The following COL5A1 variants were observed in gnomAD, a reference collection of about 807,000 sequenced individuals.
COL5A1 encodes collagen type V alpha 1 chain.
In COL5A1, 16 loss-of-function variants were observed where a neutral mutation model predicts 263.7. That is an observed-to-expected ratio of 0.06 (90% confidence interval 0.04 to 0.09). The LOEUF (loss-of-function observed/expected upper bound fraction) is 0.09. Ranked by LOEUF, COL5A1 falls within the 10% of genes least tolerant of loss-of-function variation. The probability of loss-of-function intolerance (pLI) is 1.00; values close to 1 mark genes in which losing one functional copy is unlikely to be tolerated. For synonymous variants in COL5A1, 1,012 were observed against 1,004.5 expected, an observed-to-expected ratio of 1.01 and a Z score of -0.14; for missense variants, 2,036 against 2,540.5, an observed-to-expected ratio of 0.80 and a Z score of 4.27.
In COL5A1 at chr9:134,742,604, A is replaced by G. The variant is rs191422830; in HGVS notation, c.1494+3796A>G. ...TTGAGGTTCAGAGGAAACCCAAGAGAGCTGGGAGTCCCCAAGTGAGCTGCA... is the reference window on the plus strand; with the variant it reads ...TTGAGGTTCAGAGGAAACCCAAGAGGGCTGGGAGTCCCCAAGTGAGCTGCA... On this transcript the variant is annotated intron_variant, in intron 11 of 65. Coordinates refer to ENST00000371817, the MANE Select transcript of COL5A1 (RefSeq NM_000093.5). The surrounding 1 kb of genome is among the most constrained non-coding windows in gnomAD (Gnocchi z 4.6). 5.2e-4 allele frequency among the ~76,000 whole-genome samples: 79 copies of G among 152,294 alleles called. No individual in the cohort carries two copies. Among genetic ancestry groups the G allele is most frequent in the Middle Eastern group, 3.4e-3 (1 of 294 alleles).
Position 134,700,750 on chromosome 9 carries a change from A to T in COL5A1, c.492-421A>T, listed in dbSNP as rs1309645797. Among the ~76,000 whole-genome samples, 3 of 152,192 alleles carry T rather than the reference A, an allele frequency of 2.0e-5. No individual in the cohort carries two copies. The highest frequency in any genetic ancestry group is 1.3e-4 in the Admixed American group (2 of 15,278). On this transcript the variant is annotated intron_variant, in intron 3 of 65. Coordinates refer to ENST00000371817, the MANE Select transcript of COL5A1 (RefSeq NM_000093.5). This position sits in a 1 kb window ranked among gnomAD's most constrained non-coding sequence, Gnocchi z 4.0. ...AGTTTGCCATCGGGGTTCAGAGGGC[A>T]CGTGACAAGTGCTCGCATGCACACA...
chr9:134,684,733 C>G (rs1360068922), intron 1 of COL5A1, among the ~76,000 whole-genome samples: 1 of 152,192 alleles, frequency 6.6e-6, no homozygotes, highest in African/African-American at 2.4e-5. Flanking sequence ...CTGTTGGGGA[C>G]AGAGAAAGTT....
In COL5A1 at chr9:134,765,059, G is replaced by A. The variant is rs1836606229; in HGVS notation, c.2035-622G>A. ...GTTCTCCCGGAATCTCACTCCACCT[G>A]CGGTAAAGGGGAGGTTCTGCACGAG... On this transcript the variant is annotated intron_variant, in intron 20 of 65. Transcript: ENST00000371817. This position sits in a 1 kb window ranked among gnomAD's most constrained non-coding sequence, Gnocchi z 5.1. Among the ~76,000 whole-genome samples, 1 of 152,058 alleles carries A rather than the reference G, an allele frequency of 6.6e-6. No individual in the cohort carries two copies. Among genetic ancestry groups the A allele is most frequent in the South Asian group, 2.1e-4 (1 of 4,836 alleles).
chr9:134,705,136 G>A (rs4842146), intron 4 of COL5A1, among the ~76,000 whole-genome samples: 66,476 of 152,084 alleles, frequency 0.44, 15,592 homozygotes, highest in Admixed American at 0.61. Flanking sequence ...AAGAGAGTTC[G>A]TTTAAACAGG....
At chr9:134,688,375 G>A (rs147114136) in intron 1 of COL5A1, among the ~76,000 whole-genome samples, 114 of 152,304 alleles carry the variant, frequency 7.5e-4, no homozygotes, top group African/African-American at 2.6e-3. Flanking sequence ...GATGACCCAG[G>A]GCTCGGCACT....
intron 1 of COL5A1, among the ~76,000 whole-genome samples, chr9:134,658,690 G>T (rs927910123): frequency 1.3e-5 from 2 of 151,806 alleles, no homozygotes; most frequent in Non-Finnish European, 2.9e-5. Context: ...TACCCTGCCC[G>T]GCTTCTGTCC....
Position 134,652,048 on chromosome 9 carries a change from C to T in COL5A1, c.109+9752C>T, listed in dbSNP as rs1347550160. Among the ~76,000 whole-genome samples, 1 of 152,112 alleles carries T rather than the reference C, an allele frequency of 6.6e-6. No homozygotes were observed. The highest frequency in any genetic ancestry group is 1.5e-5 in the Non-Finnish European group (1 of 68,032). ...AGGTATTAAGGAAAGGAGAAAGTGACACTGACTCTTCTCAGAGCCTTTGGC... is the reference window on the plus strand; with the variant it reads ...AGGTATTAAGGAAAGGAGAAAGTGATACTGACTCTTCTCAGAGCCTTTGGC... On this transcript the variant is annotated intron_variant, in intron 1 of 65. Coordinates refer to ENST00000371817, the MANE Select transcript of COL5A1 (RefSeq NM_000093.5). This position sits in a 1 kb window ranked among gnomAD's most constrained non-coding sequence, Gnocchi z 4.4.
Position 134,742,706 on chromosome 9 carries a change from G to A in COL5A1, c.1494+3898G>A, listed in dbSNP as rs778826318. On this transcript the variant is annotated intron_variant, in intron 11 of 65. Coordinates refer to ENST00000371817, the MANE Select transcript of COL5A1 (RefSeq NM_000093.5). This position sits in a 1 kb window ranked among gnomAD's most constrained non-coding sequence, Gnocchi z 4.6. ...TGGCTTCTGTGCCACCTGCCAGTGC[G>A]TTTCTGTAGGGGCTGACTCTTTTGC... Among the ~76,000 whole-genome samples, 3 of 152,216 alleles carry A rather than the reference G, an allele frequency of 2.0e-5. No individual in the cohort carries two copies. The highest frequency in any genetic ancestry group is 2.9e-5 in the Non-Finnish European group (2 of 68,040).
At chr9:134,775,740 T>A (rs1249109549) in intron 27 of COL5A1, among the ~76,000 whole-genome samples, 2 of 152,230 alleles carry the variant, frequency 1.3e-5, no homozygotes, top group Non-Finnish European at 2.9e-5. Context: ...TTTAACTGGA[T>A]GTGAAGGAAT....
chr9:134,720,769 T>G (rs1449160175), intron 4 of COL5A1, among the ~76,000 whole-genome samples: 1 of 152,182 alleles, frequency 6.6e-6, no homozygotes, highest in East Asian at 1.9e-4. Flanking sequence ...GGTAGGTGGC[T>G]GGGCTGGACG....
chr9:134,803,559 C>T (rs1017891859), intron 39 of COL5A1, among the ~76,000 whole-genome samples: 29 of 152,240 alleles, frequency 1.9e-4, no homozygotes, highest in Admixed American at 1.4e-3. Context: ...CGCTTGAACC[C>T]GGGAGGCGGA....
chr9:134,644,548 C>T (rs1325753470), intron 1 of COL5A1, among the ~76,000 whole-genome samples: 1 of 42,568 alleles, frequency 2.3e-5, no homozygotes, highest in East Asian at 5.4e-4. Flanking sequence ...GAAATGCAGG[C>T]GTGGCGGGGA....
At chr9:134,830,079 T>G in intron 64 of COL5A1, 35 bp downstream of exon 64, 1 of 1,613,674 alleles carries the variant, frequency 6.2e-7, no homozygotes, top group Non-Finnish European at 8.5e-7. Flanking sequence ...CGGTTGTCAC[T>G]TTAAACCCGC....
At chr9:134,694,710 A>G (rs1359367277) in intron 2 of COL5A1, among the ~76,000 whole-genome samples, 1 of 152,086 alleles carries the variant, frequency 6.6e-6, no homozygotes, top group African/African-American at 2.4e-5. Flanking sequence ...GGCACCAGGG[A>G]GATGAGGCTG....
At position 134,844,037 on chromosome 9, in the gene COL5A1, GC is replaced by G. The variant is rs1404658516; in HGVS notation, c.*1736del. The G allele has an allele frequency of 6.6e-6, 1 of 152,268 alleles. No homozygotes were observed. The highest frequency in any genetic ancestry group is 2.4e-5 in the African/African-American group (1 of 41,436). The allele number at this position is 152,268 out of a possible 1,614,324, so 9.4% of individuals were successfully genotyped here. ...CTGTGAAAAGTTGCCCGGGTGCAGC[GC>G]CTTTTCCTTCTACCATGGGAAATGC... On this transcript the variant is annotated 3_prime_UTR_variant, in exon 66 of 66. Coordinates refer to ENST00000371817, the MANE Select transcript of COL5A1 (RefSeq NM_000093.5).
At chr9:134,798,290 A>C in intron 36 of COL5A1, 118 bp from the exon 37 acceptor site, 1 of 925,666 alleles carries the variant, frequency 1.1e-6, no homozygotes, top group Non-Finnish European at 1.8e-6. Context: ...TGCTTTTCTC[A>C]GAGGATGTGC....
intron 27 of COL5A1, among the ~76,000 whole-genome samples, chr9:134,776,601 G>A (rs1002838677): frequency 2.4e-4 from 36 of 152,250 alleles, no homozygotes; most frequent in African/African-American, 7.5e-4. Context: ...GTGGCAGGGC[G>A]TGGGATTGCG....
chr9:134,810,110 A>G (rs1588575778), intron 43 of COL5A1, 145 bp from the exon 44 acceptor site: 1 of 855,128 alleles, frequency 1.2e-6, no homozygotes, highest in Non-Finnish European at 2.0e-6. Flanking sequence ...AAGCTAATAT[A>G]TGGAAACATT....
In COL5A1 at chr9:134,686,651, A is replaced by T. The variant is rs1234510735; in HGVS notation, c.110-4261A>T. Among the ~76,000 whole-genome samples, 1 of 152,072 alleles carries T rather than the reference A, an allele frequency of 6.6e-6. No homozygotes were observed. The highest frequency in any genetic ancestry group is 2.4e-5 in the African/African-American group (1 of 41,396). On this transcript the variant is annotated intron_variant, in intron 1 of 65. Coordinates refer to ENST00000371817, the MANE Select transcript of COL5A1 (RefSeq NM_000093.5). The surrounding 1 kb of genome is among the most constrained non-coding windows in gnomAD (Gnocchi z 4.6). The stretch of plus-strand genomic sequence containing the variant: ...GGACCTGATGCCTGGTTATATCCTC[A>T]TGAAAATGGGCCTCTGGGATGCCAG...
Sources: allele counts gnomAD v4.1 joint callset (sites outside exome capture counted in the v4.1 genomes callset), GRCh38; gene constraint gnomAD v4.1.1; non-coding constraint Gnocchi (gnomAD v3.1); transcripts MANE v1.5; gene names NCBI Gene and HGNC (gene_info 2026-07-23, HGNC 2026-07-21).